Variants in NPRL3 observed in about 807,000 individuals in gnomAD.
NPRL3 encodes GATOR1 complex protein NPRL3.
In NPRL3, 23 loss-of-function variants were observed where a neutral mutation model predicts 57.2. The ratio of observed to expected loss-of-function variants is 0.40; its 90% CI spans 0.29 to 0.57. NPRL3 has a LOEUF of 0.57. Among genes scored for constraint, NPRL3 ranks in the 20% least tolerant of loss-of-function variants. NPRL3 has a pLI of 0.42. For missense variants in NPRL3, 691 were observed against 767.1 expected (o/e 0.90, Z 1.17); for synonymous variants, 333 against 321.1 (o/e 1.04, Z -0.39).
rs745552693 is a variant in NPRL3, at chr16:92,665, A to G, written c.1092T>C (p.Val364=). 4 of 1,613,752 alleles carry G rather than the reference A, an allele frequency of 2.5e-6. No homozygotes were observed. The African/African-American group carries it at 4.0e-5, about 16-fold the overall frequency. Residue 364 remains valine (V), a synonymous_variant, in exon 11 of 14, where the codon GTT becomes GTC. Coordinates refer to ENST00000611875, the MANE Select transcript of NPRL3 (RefSeq NM_001077350.3). ...HQFPSHDLPS[V]LAKFSLPVSL... ...AGACCGGCAAGGAGAACTTGGCAAG[A>G]ACGGACGGCAGGTCATGAGATGGGA...
Position 93,207 on chromosome 16 carries a change from A to C in NPRL3, c.1031+12T>G, listed in dbSNP as rs1898836357. 2 of 1,520,130 alleles carry C rather than the reference A, an allele frequency of 1.3e-6. No homozygotes were observed. Among genetic ancestry groups the C allele is most frequent in the Non-Finnish European group, 1.8e-6 (2 of 1,118,002 alleles). 94.2% of individuals were successfully genotyped at this position (1,520,130 alleles called of 1,614,324 possible). A position where few individuals can be genotyped will look rare whatever the true frequency, so the allele number is the denominator to read the frequency against. ...CTCGGGGCTCCAGGCTCTGGCAGCC[A>C]GCAGCACTCACAGACATACGCTGGC... On this transcript the variant is annotated intron_variant, in intron 10 of 13. Coordinates refer to ENST00000611875, the MANE Select transcript of NPRL3 (RefSeq NM_001077350.3).
intron 11 of NPRL3, among the ~76,000 whole-genome samples, chr16:91,654 C>G (rs1264406939): frequency 6.6e-6 from 1 of 152,218 alleles, no homozygotes; most frequent in Non-Finnish European, 1.5e-5. Context: ...AAAGACCGCA[C>G]TGAGAGCTCT....
intron 3 of NPRL3, among the ~76,000 whole-genome samples, chr16:119,756 C>G (rs544634434): frequency 6.6e-6 from 1 of 152,242 alleles, no homozygotes; most frequent in Admixed American, 6.5e-5. Flanking sequence ...GCGTGCAGAG[C>G]GCTGACTTCC....
chr16:137,580 TG>T (rs1901162482), intron 2 of NPRL3, among the ~76,000 whole-genome samples: 1 of 151,462 alleles, frequency 6.6e-6, no homozygotes, highest in East Asian at 1.9e-4. Flanking sequence ...GACGGAGTCT[TG>T]CTCTGTTGCC....
At chr16:126,447 T>TAATAATAATAATAATAATAATTAA (rs1420915643) in intron 3 of NPRL3, 2 of 140,982 alleles carry the variant, frequency 1.4e-5, no homozygotes, top group African/African-American at 5.2e-5. Context: ...ATAATAATAA[T>TAATAATAATAATAATAATAATTAA]TAATAATAAT....
chr16:133,803 A>G (rs1188933313), intron 2 of NPRL3, among the ~76,000 whole-genome samples: 1 of 152,166 alleles, frequency 6.6e-6, no homozygotes, highest in Admixed American at 6.5e-5. Flanking sequence ...CTAGCTTTTG[A>G]TTTAATGTGA....
At chr16:137,991 T>G (rs1596547627) in intron 2 of NPRL3, among the ~76,000 whole-genome samples, 159 bp downstream of exon 2, 1 of 152,232 alleles carries the variant, frequency 6.6e-6, no homozygotes, top group African/African-American at 2.4e-5. Context: ...TGCATGATTT[T>G]AATTTTTTTT....
rs756839067 is a variant in NPRL3 at position 100,360 on chromosome 16, C to T, written c.767+12G>A. 4.6e-6 allele frequency: 7 copies of T among 1,515,408 alleles called. No individual in the cohort carries two copies. Among genetic ancestry groups the T allele is most frequent in the Non-Finnish European group, 6.2e-6 (7 of 1,129,098 alleles). 93.9% of individuals were successfully genotyped at this position (1,515,408 alleles called of 1,614,324 possible). A position where few individuals can be genotyped will look rare whatever the true frequency, so the allele number is the denominator to read the frequency against. On this transcript the variant is annotated intron_variant, in intron 8 of 13. Transcript: ENST00000611875. Reference sequence around the variant, plus strand: ...CCTGGCAGGGAGTGAGCACGTGGGGCTGGGCACTTACCGGATGGCTTTCAG... The same window carrying T: ...CCTGGCAGGGAGTGAGCACGTGGGGTTGGGCACTTACCGGATGGCTTTCAG...
At chr16:127,774 C>A (rs1900597698) in intron 3 of NPRL3, among the ~76,000 whole-genome samples, 1 of 151,624 alleles carries the variant, frequency 6.6e-6, no homozygotes, top group African/African-American at 2.4e-5. Flanking sequence ...CCTGCCTCAG[C>A]CTCCCAAGTA....
intron 2 of NPRL3, among the ~76,000 whole-genome samples, chr16:137,603 C>G (rs796441678): frequency 1.2e-4 from 18 of 150,866 alleles, no homozygotes; most frequent in African/African-American, 3.9e-4. Context: ...AGGCTGGAAT[C>G]CAGTGGCGCG....
intron 7 of NPRL3, among the ~76,000 whole-genome samples, chr16:101,044 C>T (rs1391308080): frequency 6.7e-6 from 1 of 149,648 alleles, no homozygotes; most frequent in Admixed American, 6.7e-5. Flanking sequence ...GCCCTGGAAT[C>T]TGTAGTCCAA....
At chr16:129,626 G>A (rs1418480437) in intron 3 of NPRL3, among the ~76,000 whole-genome samples, 1 of 152,168 alleles carries the variant, frequency 6.6e-6, no homozygotes, top group African/African-American at 2.4e-5. Context: ...GGACCAGCCT[G>A]GGCAACAAAG....
intron 2 of NPRL3, among the ~76,000 whole-genome samples, chr16:134,695 T>A (rs1476260493): frequency 1.3e-5 from 1 of 77,668 alleles, no homozygotes; most frequent in Admixed American, 1.6e-4. Context: ...ATTATTATTA[T>A]TTTTTTTTTT....
Position 86,741 on chromosome 16 carries a change from G to T in NPRL3, c.1674C>A (p.Asp558Glu). 1 of 1,574,378 alleles carries T rather than the reference G, an allele frequency of 6.4e-7. No individual in the cohort carries two copies. ...GAGCCTGGAAGACGGCAATGACAGG[G>T]TCCTCGTGGGTGGTCACCACCAGCA... ...RSVLVVTTHE[D>E]PVIAVFQALL... is the part of the protein sequence containing the mutation. The change falls in exon 14 of 14, where the codon GAC becomes GAA. Residue 558 changes from aspartate (D) to glutamate (E), a missense_variant. Transcript: ENST00000611875.
chr16:97,410 A>ATTTTTTTTTTTTTTTT (rs34410203), intron 9 of NPRL3, among the ~76,000 whole-genome samples: 4 of 115,066 alleles, frequency 3.5e-5, no homozygotes, highest in East Asian at 2.6e-4. Flanking sequence ...ACACCCAGCT[A>ATTTTTTTTTTTTTTTT]TTTTTTTTTT....
At position 94,778 on chromosome 16, in the gene NPRL3, C is replaced by T. The variant is rs569779355; in HGVS notation, c.925-1453G>A. On this transcript the variant is annotated intron_variant, in intron 9 of 13. Coordinates refer to ENST00000611875, the MANE Select transcript of NPRL3 (RefSeq NM_001077350.3). ...TTTCAGCTCCATCACCGCCCTGTTC[C>T]CTCACCCCACGTGCCACTCGCATGT... is the stretch of plus-strand genomic sequence containing the variant. Among the ~76,000 whole-genome samples the T allele has an allele frequency of 2.6e-5, 4 of 152,248 alleles. No individual in the cohort carries two copies. In the East Asian group the frequency reaches 7.7e-4, roughly 29 times the overall value.
intron 9 of NPRL3, among the ~76,000 whole-genome samples, chr16:95,350 TACACACACACAC>T (rs142854412): frequency 0.025 from 2,772 of 110,928 alleles, 30 homozygotes; most frequent in South Asian, 0.039. Flanking sequence ...TATATATATA[TACACACACACAC>T]ACACACACAC....
chr16:129,795 C>T (rs1443645917), intron 3 of NPRL3, among the ~76,000 whole-genome samples: 1 of 152,100 alleles, frequency 6.6e-6, no homozygotes, highest in East Asian at 1.9e-4. Context: ...TATTTTTTCC[C>T]GGGACAGTGG....
At position 118,997 on chromosome 16, in the gene NPRL3, GAGCCACACCTGCCCAGGGGA is replaced by G. The variant is rs1234365061; in HGVS notation, c.318+109_318+128del. 4.7e-4 allele frequency: 649 copies of G among 1,373,722 alleles called. 4 individuals are homozygous for G. In the African/African-American group the frequency reaches 8.5e-3, roughly 18 times the overall value. 85.1% of individuals were successfully genotyped at this position (1,373,722 alleles called of 1,614,324 possible). A position where few individuals can be genotyped will look rare whatever the true frequency, so the allele number is the denominator to read the frequency against. On this transcript the variant is annotated intron_variant, in intron 4 of 13. Coordinates refer to ENST00000611875, the MANE Select transcript of NPRL3 (RefSeq NM_001077350.3). ...AGGGGGAGCCCCACCTGCCCAAGGA[GAGCCACACCTGCCCAGGGGA>G]AGCCACACCTGCCCAAGGAGAGCCA...
Sources: gnomAD v4.1 joint callset for allele counts (sites outside exome capture counted in the v4.1 genomes callset) on GRCh38, gnomAD v4.1.1 for gene constraint, MANE v1.5 for transcripts, NCBI Gene and HGNC (gene_info 2026-07-23, HGNC 2026-07-21) for gene names.